The following SMYD3 variants were observed in gnomAD, a reference collection of about 807,000 sequenced individuals.
SMYD3 encodes the protein histone-lysine N-methyltransferase SMYD3.
In SMYD3, 36 loss-of-function variants were observed where a neutral mutation model predicts 57.7. The observed-to-expected ratio is 0.62, with a 90% confidence interval of 0.48 to 0.82. The LOEUF is 0.82. Ranked by LOEUF, SMYD3 falls within the 40% of genes least tolerant of loss-of-function variation. SMYD3 has a pLI of 0.00. For synonymous variants in SMYD3, 211 were observed against 195.0 expected (o/e 1.08, Z -0.68); for missense variants, 515 against 538.8 (o/e 0.96, Z 0.44).
intron 10 of SMYD3, among the ~76,000 whole-genome samples, chr1:245,818,252 T>A (rs1290028184): frequency 6.6e-6 from 1 of 152,080 alleles, no homozygotes; most frequent in African/African-American, 2.4e-5. Flanking sequence ...TCAACATTCT[T>A]AAAAAGAATT....
chr1:246,438,320 C>A (rs139978182), intron 1 of SMYD3, among the ~76,000 whole-genome samples: 25 of 152,110 alleles, frequency 1.6e-4, no homozygotes, highest in African/African-American at 4.8e-4. Flanking sequence ...TTTCTTCCTG[C>A]AAATATATCG....
chr1:245,913,940 A>AT (rs1342632103), intron 8 of SMYD3, among the ~76,000 whole-genome samples: 1 of 152,238 alleles, frequency 6.6e-6, no homozygotes, highest in Non-Finnish European at 1.5e-5. Context: ...GAGAATGACT[A>AT]TTATCAAAAA....
intron 5 of SMYD3, among the ~76,000 whole-genome samples, chr1:246,093,813 T>C (rs530146817): frequency 6.6e-6 from 1 of 152,256 alleles, no homozygotes; most frequent in East Asian, 1.9e-4. Flanking sequence ...AATTTTAAAA[T>C]GGTAACAAAG....
intron 5 of SMYD3, among the ~76,000 whole-genome samples, chr1:246,316,240 C>T (rs1159224747): frequency 2.0e-5 from 3 of 152,030 alleles, no homozygotes; most frequent in African/African-American, 7.2e-5. Context: ...TAATTAAGAA[C>T]CAAAAGCATG....
chr1:245,804,477 G>C (rs901795111), intron 10 of SMYD3, among the ~76,000 whole-genome samples: 200 of 152,232 alleles, frequency 1.3e-3, no homozygotes, highest in Non-Finnish European at 4.3e-4. Context: ...AGAATGGCAT[G>C]GACCTGGGAG....
At chr1:246,081,154 A>C (rs2060631738) in intron 5 of SMYD3, among the ~76,000 whole-genome samples, 1 of 152,184 alleles carries the variant, frequency 6.6e-6, no homozygotes, top group Non-Finnish European at 1.5e-5. Context: ...GCGTCCATTG[A>C]TTCGCTCTGG....
chr1:246,123,277 T>C (rs1419247356), intron 5 of SMYD3, among the ~76,000 whole-genome samples: 1 of 152,144 alleles, frequency 6.6e-6, no homozygotes, highest in Non-Finnish European at 1.5e-5. Context: ...GCCTACATCA[T>C]TCTGCATTGG....
At chr1:246,132,038 G>GC (rs959948501) in intron 5 of SMYD3, among the ~76,000 whole-genome samples, 37 of 152,230 alleles carry the variant, frequency 2.4e-4, no homozygotes, top group Admixed American at 1.0e-3. Flanking sequence ...TCAATTTTTA[G>GC]CACTATCTCT....
At position 245,813,828 on chromosome 1, in the gene SMYD3, C is replaced by T. The variant is rs138681360; in HGVS notation, c.1076+44668G>A. 5.3e-3 allele frequency among the ~76,000 whole-genome samples: 772 copies of T among 144,720 alleles called. 15 individuals are homozygous for T. The highest frequency in any genetic ancestry group is 0.019 in the African/African-American group (737 of 37,856). 94.9% of individuals were successfully genotyped at this position (144,720 alleles called of 152,430 possible). ...GGCCTCAGAATATTAAGCACCTAAC[C>T]TGCTCTGTCATTTAGGTTAATTCAT... On this transcript the variant is annotated intron_variant, in intron 10 of 11. Coordinates refer to ENST00000490107, the MANE Select transcript of SMYD3 (RefSeq NM_001167740.2).
intron 10 of SMYD3, among the ~76,000 whole-genome samples, chr1:245,834,326 T>C (rs2049998241): frequency 6.6e-6 from 1 of 152,208 alleles, no homozygotes; most frequent in Non-Finnish European, 1.5e-5. Flanking sequence ...GACAGTCCTA[T>C]GGAAGTGGCT....
intron 5 of SMYD3, among the ~76,000 whole-genome samples, chr1:246,194,609 T>C (rs958334893): frequency 2.0e-5 from 3 of 152,194 alleles, no homozygotes; most frequent in Admixed American, 1.3e-4. Flanking sequence ...CGAGTAGACA[T>C]GCCAAACCTA....
intron 10 of SMYD3, among the ~76,000 whole-genome samples, chr1:245,794,011 A>C (rs563700226): frequency 1.3e-5 from 2 of 152,204 alleles, no homozygotes; most frequent in Non-Finnish European, 2.9e-5. Flanking sequence ...CCAAACAAAA[A>C]ACCTGTCTCT....
Position 245,955,193 on chromosome 1 carries a change from G to A in SMYD3, c.532-25256C>T, listed in dbSNP as rs1055765996. On this transcript the variant is annotated intron_variant, in intron 5 of 11. Coordinates refer to ENST00000490107, the MANE Select transcript of SMYD3 (RefSeq NM_001167740.2). ...TGCAAGTTCCGCCTCCCGGGTTCAC[G>A]CCATTCTCCTGCCTCAGCCTCCTGA... Among the ~76,000 whole-genome samples the A allele has an allele frequency of 1.8e-4, 27 of 152,274 alleles. 1 individual carries two copies. Among genetic ancestry groups the A allele is most frequent in the East Asian group, 1.4e-3 (7 of 5,158 alleles).
intron 5 of SMYD3, among the ~76,000 whole-genome samples, chr1:246,106,882 T>C (rs547253675): frequency 3.9e-5 from 6 of 152,144 alleles, no homozygotes; most frequent in Non-Finnish European, 8.8e-5. Flanking sequence ...ATAGATTCCT[T>C]AAACTCTCCG....
intron 1 of SMYD3, among the ~76,000 whole-genome samples, chr1:246,470,510 T>TA (rs879521382): frequency 0.029 from 3,573 of 121,602 alleles, 110 homozygotes; most frequent in South Asian, 0.13. Context: ...AAAAAAAAAT[T>TA]AAAAAAAAAA....
chr1:246,008,805 C>A (rs2059224707), intron 5 of SMYD3, among the ~76,000 whole-genome samples: 1 of 152,184 alleles, frequency 6.6e-6, no homozygotes, highest in African/African-American at 2.4e-5. Flanking sequence ...TTGCCCTCAG[C>A]ATCCCTATTA....
chr1:246,397,893 C>T (rs1198334615), intron 1 of SMYD3, among the ~76,000 whole-genome samples: 1 of 129,302 alleles, frequency 7.7e-6, no homozygotes, highest in Non-Finnish European at 1.6e-5. Flanking sequence ...GGGGTGGGGG[C>T]ACAAGACTGG....
At chr1:246,158,341 G>T (rs982537866) in intron 5 of SMYD3, among the ~76,000 whole-genome samples, 2 of 152,160 alleles carry the variant, frequency 1.3e-5, no homozygotes, top group African/African-American at 4.8e-5. Context: ...CATCTTGACA[G>T]GTAAAATAGT....
At position 245,915,656 on chromosome 1, in the gene SMYD3, A is replaced by G; in HGVS notation, c.703-16T>C. ...AGATGGTGAGCTGTGCAGGCCAGAG[A>G]GAGGGAAGCGCTGAAACATCTGCTG... On this transcript the variant is annotated splice_polypyrimidine_tract_variant and intron_variant, in intron 7 of 11. Transcript: ENST00000490107. 1 of 1,541,160 alleles carries G rather than the reference A, an allele frequency of 6.5e-7. No individual in the cohort carries two copies. The highest frequency in any genetic ancestry group is 9.0e-7 in the Non-Finnish European group (1 of 1,116,246).
Sources: gnomAD v4.1 joint callset for allele counts (sites outside exome capture counted in the v4.1 genomes callset) on GRCh38, gnomAD v4.1.1 for gene constraint, MANE v1.5 for transcripts, NCBI Gene and HGNC (gene_info 2026-07-23, HGNC 2026-07-21) for gene names.